Variants in AK6 observed in about 807,000 individuals in gnomAD.
AK6 encodes adenylate kinase 6, also known as adenylate kinase isoenzyme 6.
A neutral mutation model predicts 23.7 loss-of-function variants in AK6; 24 were observed. That is an observed-to-expected ratio of 1.01 (90% CI 0.73 to 1.43). The LOEUF is 1.43. AK6 is among the 40% of genes most tolerant of loss of function. The pLI, the probability that AK6 is intolerant of heterozygous loss-of-function variation, is 0.00. For synonymous variants in AK6, 73 were observed against 69.8 expected (o/e 1.05, Z -0.23); for missense variants, 191 against 199.1 (o/e 0.96, Z 0.24).
chr5:69,364,876 A>G, intron 2 of AK6: 1 of 1,363,988 alleles, frequency 7.3e-7, no homozygotes. Context: ...AACATCCAGC[A>G]TGCATGTTTA....
intron 2 of AK6, among the ~76,000 whole-genome samples, chr5:69,363,517 G>A (rs1762298867): frequency 6.6e-6 from 1 of 152,228 alleles, no homozygotes; most frequent in South Asian, 2.1e-4. Context: ...GGGCGCGGTG[G>A]CCCACGCCTG....
intron 2 of AK6, among the ~76,000 whole-genome samples, chr5:69,359,509 T>C (rs549903802): frequency 2.9e-4 from 44 of 152,328 alleles, no homozygotes; most frequent in African/African-American, 9.4e-4. Flanking sequence ...CCTCCCAAAG[T>C]GCTGGGTTTA....
At chr5:69,365,334 T>C (rs753020864) in intron 2 of AK6, 1 of 1,614,206 alleles carries the variant, frequency 6.2e-7, no homozygotes, top group East Asian at 2.2e-5. Flanking sequence ...AGTTGATGCC[T>C]TTTTCTGTAA....
intron 1 of AK6, 70 bp downstream of exon 1, chr5:69,369,393 G>A (rs1762743980): frequency 1.3e-6 from 2 of 1,554,260 alleles, no homozygotes; most frequent in South Asian, 1.2e-5. Context: ...CCACCTGGGC[G>A]CCCGATGCCC....
chr5:69,361,866 A>C (rs1002692380), intron 2 of AK6, among the ~76,000 whole-genome samples: 1 of 150,938 alleles, frequency 6.6e-6, no homozygotes, highest in Non-Finnish European at 1.5e-5. Flanking sequence ...TCGGCCTCCC[A>C]AAAGTGCTAG....
intron 2 of AK6, among the ~76,000 whole-genome samples, chr5:69,364,010 C>T (rs1403571993): frequency 6.6e-6 from 1 of 152,088 alleles, no homozygotes; most frequent in African/African-American, 2.4e-5. Flanking sequence ...ATAGCTGGAA[C>T]CTGGGACATA....
rs753570045 is a variant in AK6, at chr5:69,365,329, A to G, written c.121+1174T>C. On this transcript the variant is annotated intron_variant, in intron 2 of 4. Coordinates refer to ENST00000380822, the MANE Select transcript of AK6 (RefSeq NM_016283.5). ...ACTGTTATTCTTCCCGCAGAAGTTGATGCCTTTTTCTGTAAAGATTTCAGC... is the reference window on the plus strand; with the variant it reads ...ACTGTTATTCTTCCCGCAGAAGTTGGTGCCTTTTTCTGTAAAGATTTCAGC... 2.8e-5 allele frequency: 46 copies of G among 1,614,216 alleles called. No individual in the cohort carries two copies. The East Asian group carries it at 7.8e-4, about 27-fold the overall frequency.
At chr5:69,369,266 T>G in intron 1 of AK6, 197 bp downstream of exon 1, 1 of 103,784 alleles carries the variant, frequency 9.6e-6, no homozygotes, top group Admixed American at 1.7e-4. Context: ...GCCAACGGAA[T>G]TAACGTTCCG....
chr5:69,358,508 A>T (rs1762140643), intron 2 of AK6, among the ~76,000 whole-genome samples: 1 of 128,942 alleles, frequency 7.8e-6, no homozygotes, highest in South Asian at 2.6e-4. Context: ...ACAGAGCAAG[A>T]CTCTGTCTCA....
In AK6 at chr5:69,355,545, A is replaced by ACAAACAAAACAAAC; in HGVS notation, c.326+103_326+104insGTTTGTTTTGTTTG. ...CTCTATCTCAAAAAAACAAAACAAA[A>ACAAACAAAACAAAC]CAAAACAAAACAAACAACAACAATC... is the stretch of plus-strand genomic sequence containing the variant. On this transcript the variant is annotated intron_variant, in intron 4 of 4. Coordinates refer to ENST00000380822, the MANE Select transcript of AK6 (RefSeq NM_016283.5). The ACAAACAAAACAAAC allele has an allele frequency of 6.1e-6, 8 of 1,312,850 alleles. No individual in the cohort carries two copies. The South Asian group carries it at 1.2e-4, about 21-fold the overall frequency. 81.3% of individuals were successfully genotyped at this position (1,312,850 alleles called of 1,614,324 possible).
In AK6 at chr5:69,369,447, G is replaced by C; in HGVS notation, c.28+16C>G. On this transcript the variant is annotated intron_variant, in intron 1 of 4. Coordinates refer to ENST00000380822, the MANE Select transcript of AK6 (RefSeq NM_016283.5). ...AGCCTGCCCCAGCCCAGTCCCTCCC[G>C]GCCGCGCGCCCTGACCGGTGAGCAG... 5.0e-6 allele frequency: 8 copies of C among 1,609,948 alleles called. No individual in the cohort carries two copies. The highest frequency in any genetic ancestry group is 6.8e-6 in the Non-Finnish European group (8 of 1,178,950).
At chr5:69,360,950 A>T (rs1259206467) in intron 2 of AK6, among the ~76,000 whole-genome samples, 1 of 152,204 alleles carries the variant, frequency 6.6e-6, no homozygotes, top group Non-Finnish European at 1.5e-5. Context: ...AAATGGATCC[A>T]ATGTCAATAT....
upstream of AK6, chr5:69,369,815 G>T (rs1561227248): frequency 1.1e-5 from 12 of 1,113,388 alleles, no homozygotes; most frequent in Non-Finnish European, 3.9e-6. Context: ...TCCCCGGGAG[G>T]CCGTACCTCC....
In AK6 at chr5:69,355,784, T is replaced by C; in HGVS notation, c.191A>G (p.Glu64Gly). Residue 64 changes from glutamate (E) to glycine (G), a missense_variant, in exon 4 of 5, where the codon GAG becomes GGG. By Grantham distance (98) the Glu-to-Gly change is moderately conservative (BLOSUM62 -2). Coordinates refer to ENST00000380822, the MANE Select transcript of AK6 (RefSeq NM_016283.5). ...PILDEDRVVD[E>G]LDNQMREGGV... ...ACCTTCTCTCATTTGGTTATCTAAC[T>C]CATCAACTACCTGTAAGAAAAGTTT... 2 of 1,605,904 alleles carry C rather than the reference T, an allele frequency of 1.2e-6. No individual in the cohort carries two copies. The highest frequency in any genetic ancestry group is 1.7e-6 in the Non-Finnish European group (2 of 1,177,664).
chr5:69,359,735 AT>A (rs910526794), intron 2 of AK6, among the ~76,000 whole-genome samples: 3 of 152,170 alleles, frequency 2.0e-5, no homozygotes, highest in Non-Finnish European at 4.4e-5. Context: ...TAAAATTTTT[AT>A]TTTCATATTT....
intron 2 of AK6, chr5:69,364,948 GATT>G (rs1762350701): frequency 6.2e-7 from 1 of 1,608,318 alleles, no homozygotes; most frequent in East Asian, 2.2e-5. Flanking sequence ...CTAGATTACA[GATT>G]ATCATAGTCA....
At chr5:69,354,767 A>T (rs1231959411) in intron 4 of AK6, among the ~76,000 whole-genome samples, 1 of 152,218 alleles carries the variant, frequency 6.6e-6, no homozygotes, top group Non-Finnish European at 1.5e-5. Context: ...AGAATATGTT[A>T]GGGGCTTGGC....
At chr5:69,355,070 C>T (rs1762046900) in intron 4 of AK6, among the ~76,000 whole-genome samples, 1 of 152,106 alleles carries the variant, frequency 6.6e-6, no homozygotes, top group African/African-American at 2.4e-5. Context: ...ACCTTGTGAT[C>T]CTCCCACCTT....
chr5:69,364,707 T>C (rs1368712113), intron 2 of AK6: 28 of 601,576 alleles, frequency 4.7e-5, no homozygotes, highest in Middle Eastern at 4.5e-4. Flanking sequence ...AAGGAGAAAA[T>C]TGCTTTTAAA....
Sources: gnomAD v4.1 joint callset for allele counts (sites outside exome capture counted in the v4.1 genomes callset) on GRCh38, gnomAD v4.1.1 for gene constraint, MANE v1.5 for transcripts, NCBI Gene and HGNC (gene_info 2026-07-23, HGNC 2026-07-21) for gene names.